CSMD1: variants seen among roughly 807,000 people sequenced by gnomAD.
CSMD1 encodes CUB and Sushi multiple domains 1, also known as CUB and sushi domain-containing protein 1.
Under a neutral mutation model 417.5 loss-of-function variants are expected in CSMD1, and 213 were observed. That is an observed-to-expected ratio of 0.51 (90% CI 0.46 to 0.57). The LOEUF is 0.57. Ranked by LOEUF, CSMD1 falls within the 20% of genes least tolerant of loss-of-function variation. The pLI is 0.00. For synonymous variants in CSMD1, 2,862 were observed against 1,736.8 expected (o/e 1.65, Z -16.11); for missense variants, 6,923 against 4,529.7 (o/e 1.53, Z -15.17).
intron 3 of CSMD1, among the ~76,000 whole-genome samples, chr8:4,129,191 C>T (rs530716815): frequency 4.6e-5 from 7 of 152,090 alleles, no homozygotes; most frequent in African/African-American, 1.7e-4. Context: ...CTTTCAACAT[C>T]TACACTTAAT....
chr8:4,029,023 G>C (rs754799413), intron 4 of CSMD1, among the ~76,000 whole-genome samples: 11 of 152,262 alleles, frequency 7.2e-5, no homozygotes, highest in Non-Finnish European at 1.3e-4. Context: ...ACTTGGGAGA[G>C]GGCACTAACT....
intron 2 of CSMD1, among the ~76,000 whole-genome samples, chr8:4,600,297 A>G (rs1800514512): frequency 6.6e-6 from 1 of 152,112 alleles, no homozygotes; most frequent in Non-Finnish European, 1.5e-5. Flanking sequence ...TAGGTACTCT[A>G]TGTAGCAAAT....
chr8:3,889,676 C>A (rs1806821429), intron 5 of CSMD1, among the ~76,000 whole-genome samples: 1 of 151,276 alleles, frequency 6.6e-6, no homozygotes, highest in South Asian at 2.1e-4. Flanking sequence ...TGTCTATCTG[C>A]AAAATGAAAC....
At chr8:3,345,116 G>A (rs780739365) in intron 22 of CSMD1, among the ~76,000 whole-genome samples, 3 of 152,132 alleles carry the variant, frequency 2.0e-5, no homozygotes, top group African/African-American at 7.2e-5. Context: ...ATAAAGATGG[G>A]GAAATACGAA....
intron 4 of CSMD1, among the ~76,000 whole-genome samples, chr8:4,028,183 C>G (rs745663178): frequency 1.3e-5 from 2 of 152,228 alleles, no homozygotes; most frequent in Non-Finnish European, 2.9e-5. Context: ...AGAGTAGGAA[C>G]TAGTCATCAT....
chr8:3,990,716 C>A (rs1442511321), intron 5 of CSMD1, among the ~76,000 whole-genome samples: 1 of 152,148 alleles, frequency 6.6e-6, no homozygotes, highest in Non-Finnish European at 1.5e-5. Flanking sequence ...TAATTCTAGG[C>A]AATAAGACAG....
intron 1 of CSMD1, among the ~76,000 whole-genome samples, chr8:4,851,713 T>C (rs1469294704): frequency 3.9e-5 from 6 of 152,170 alleles, no homozygotes; most frequent in Admixed American, 6.5e-5. Flanking sequence ...CAATCACCCA[T>C]ATGACTAACA....
At chr8:2,941,659 C>T (rs1801883621) in intron 69 of CSMD1, among the ~76,000 whole-genome samples, 1 of 152,214 alleles carries the variant, frequency 6.6e-6, no homozygotes, top group African/African-American at 2.4e-5. Flanking sequence ...CAAGTTTTGA[C>T]ATTTTACAGT....
chr8:3,640,712 G>C (rs11136648), intron 7 of CSMD1, among the ~76,000 whole-genome samples: 74,436 of 151,952 alleles, frequency 0.49, 18,442 homozygotes, highest in Middle Eastern at 0.6. Flanking sequence ...TAAACCAGTT[G>C]TGTAGAAACC....
chr8:4,494,338 T>A (rs767723653), intron 2 of CSMD1, among the ~76,000 whole-genome samples: 33 of 152,322 alleles, frequency 2.2e-4, no homozygotes, highest in Non-Finnish European at 4.3e-4. Flanking sequence ...CATGGTAAAT[T>A]GCAATTGCTC....
intron 34 of CSMD1, among the ~76,000 whole-genome samples, chr8:3,189,635 A>G (rs1368165212): frequency 6.6e-6 from 1 of 152,204 alleles, no homozygotes; most frequent in East Asian, 1.9e-4. Flanking sequence ...CCAAAATGAG[A>G]TTATGTTCCA....
At chr8:4,459,124 C>T (rs1442217025) in intron 2 of CSMD1, among the ~76,000 whole-genome samples, 1 of 152,172 alleles carries the variant, frequency 6.6e-6, no homozygotes, top group African/African-American at 2.4e-5. Flanking sequence ...GAGGGTCAGG[C>T]CACCATCCTT....
intron 2 of CSMD1, among the ~76,000 whole-genome samples, chr8:4,473,179 A>G (rs920469730): frequency 5.3e-5 from 8 of 152,220 alleles, no homozygotes; most frequent in African/African-American, 1.9e-4. Flanking sequence ...GATTTTCCAA[A>G]CCAATGACGA....
At chr8:4,025,834 T>C (rs867407054) in intron 4 of CSMD1, among the ~76,000 whole-genome samples, 1 of 152,162 alleles carries the variant, frequency 6.6e-6, no homozygotes, top group Non-Finnish European at 1.5e-5. Flanking sequence ...TTATTTTCTA[T>C]TAATTAAATA....
intron 18 of CSMD1, among the ~76,000 whole-genome samples, chr8:3,384,777 ATAT>A (rs1810882396): frequency 8.2e-6 from 1 of 122,628 alleles, no homozygotes; most frequent in African/African-American, 3.1e-5. Context: ...ATATATATTT[ATAT>A]AATATATATT....
chr8:3,929,960 C>G (rs963302899), intron 5 of CSMD1, among the ~76,000 whole-genome samples: 3 of 150,380 alleles, frequency 2.0e-5, no homozygotes, highest in African/African-American at 7.4e-5. Flanking sequence ...AGACACTGTG[C>G]ACAGCCTATA....
chr8:2,959,642 T>C (rs998126803), intron 62 of CSMD1, among the ~76,000 whole-genome samples: 2 of 152,180 alleles, frequency 1.3e-5, no homozygotes, highest in Admixed American at 1.3e-4. Flanking sequence ...GGGGACACGC[T>C]GGCTGGAGAA....
intron 7 of CSMD1, among the ~76,000 whole-genome samples, chr8:3,633,157 T>C (rs1019487752): frequency 2.0e-5 from 3 of 152,168 alleles, no homozygotes; most frequent in Non-Finnish European, 4.4e-5. Flanking sequence ...AGACAGTAAA[T>C]CATTAAACAT....
chr8:4,006,753 C>G (rs970095835), intron 4 of CSMD1, among the ~76,000 whole-genome samples: 2 of 151,846 alleles, frequency 1.3e-5, no homozygotes, highest in Non-Finnish European at 2.9e-5. Flanking sequence ...AAGGAACTCA[C>G]CACTATTTAT....
Sources: gnomAD v4.1 joint callset for allele counts (sites outside exome capture counted in the v4.1 genomes callset) on GRCh38, gnomAD v4.1.1 for gene constraint, MANE v1.5 for transcripts, NCBI Gene and HGNC (gene_info 2026-07-23, HGNC 2026-07-21) for gene names.